Variants in DLL3 observed in about 807,000 individuals in gnomAD.
DLL3 encodes delta-like protein 3.
DLL3 carries 49 observed loss-of-function variants against 55.0 expected under a neutral mutation model. The observed-to-expected ratio is 0.89, with a 90% CI of 0.71 to 1.13. The LOEUF is 1.13. Among genes scored for constraint, DLL3 ranks in the 50% most tolerant of loss-of-function variants. DLL3 has a pLI of 0.00. For missense variants in DLL3, 962 were observed against 875.5 expected (o/e 1.10, Z -1.25); for synonymous variants, 421 against 385.2 (o/e 1.09, Z -1.09).
Position 39,508,277 on chromosome 19 carries a change from C to G in DLL3, c.*20C>G. 1.2e-6 allele frequency: 2 copies of G among 1,613,948 alleles called. No individual in the cohort carries two copies. Among genetic ancestry groups the G allele is most frequent in the Non-Finnish European group, 1.7e-6 (2 of 1,179,968 alleles). On this transcript the variant is annotated 3_prime_UTR_variant, in exon 9 of 9. Transcript: ENST00000356433. ...GCCTGACGCGTCTCCTCCATCCGCA[C>G]CTGGAGTCAGAGCGTGGATTTTTGT...
At chr19:39,505,549 T>C (rs749901469) in intron 6 of DLL3, 98 bp downstream of exon 6, 3 of 1,396,796 alleles carry the variant, frequency 2.1e-6, no homozygotes, top group Non-Finnish European at 2.0e-6. Flanking sequence ...CTTCTAACCC[T>C]AGGGCCTGGG....
intron 8 of DLL3, 160 bp downstream of exon 8, chr19:39,508,074 AT>A: frequency 1.2e-6 from 2 of 1,602,300 alleles, no homozygotes; most frequent in Middle Eastern, 3.3e-4. Flanking sequence ...CTTTCATCCT[AT>A]TTTGCATCCC....
chr19:39,503,435 G>A (rs932444856), intron 4 of DLL3, among the ~76,000 whole-genome samples: 7 of 152,074 alleles, frequency 4.6e-5, no homozygotes, highest in Admixed American at 2.6e-4. Context: ...TTCACACCCT[G>A]TCCTGATGCT....
At chr19:39,499,869 T>TC (rs1555753828) in intron 2 of DLL3, among the ~76,000 whole-genome samples, 13 of 149,430 alleles carry the variant, frequency 8.7e-5, no homozygotes, top group Admixed American at 8.6e-4. Context: ...TTTTTTTTTT[T>TC]CTGTCCTCAG....
At position 39,503,021 on chromosome 19, in the gene DLL3, C is replaced by G. The variant is rs376905666; in HGVS notation, c.616C>G (p.Pro206Ala). ...CTCGCGGTGCGGTCCGGGACTGCGC[C>G]CCTGCGCACCGCTCGAGGACGAATG... is the stretch of plus-strand genomic sequence containing the variant. ...APSRCGPGLR[P>A]CAPLEDECEA... The change falls in exon 4 of 9, where the codon CCC becomes GCC. Residue 206 changes from proline to alanine, a missense_variant. Pro to Ala is a conservative substitution (Grantham distance 27). Coordinates refer to ENST00000356433, the MANE Select transcript of DLL3 (RefSeq NM_203486.3). 868 of 1,511,922 alleles carry G rather than the reference C, an allele frequency of 5.7e-4. 6 individuals carry two copies. In the African/African-American group the frequency reaches 0.01, roughly 18 times the overall value. The allele number at this position is 1,511,922 out of a possible 1,614,324, so 93.7% of individuals were successfully genotyped here.
chr19:39,502,793 C>G (rs2079616788), intron 3 of DLL3, 22 bp from the exon 4 acceptor site: 1 of 1,401,314 alleles, frequency 7.1e-7, no homozygotes, highest in South Asian at 1.6e-5. Context: ...CCCCAGCACC[C>G]CTCCTTTGCC....
intron 3 of DLL3, 43 bp from the exon 4 acceptor site, chr19:39,502,772 G>C: frequency 7.5e-7 from 1 of 1,331,552 alleles, no homozygotes; most frequent in Non-Finnish European, 9.6e-7. Flanking sequence ...ATCCATGTTC[G>C]GCCGGGCCCA....
rs2079592388 is a variant in DLL3, at chr19:39,498,959, C to T, written c.-16C>T. 2 of 1,613,868 alleles carry T rather than the reference C, an allele frequency of 1.2e-6. No homozygotes were observed. Among genetic ancestry groups the T allele is most frequent in the Admixed American group, 1.7e-5 (1 of 59,990 alleles). On this transcript the variant is annotated 5_prime_UTR_variant, in exon 1 of 9. Transcript: ENST00000356433. ...GCCAGCAGCTGCGACTCCCGAGACC[C>T]CCCCACCAGAAGGCCATGGTCTCCC...
intron 3 of DLL3, among the ~76,000 whole-genome samples, chr19:39,501,095 G>T (rs1440035704): frequency 6.6e-6 from 1 of 152,032 alleles, no homozygotes; most frequent in African/African-American, 2.4e-5. Flanking sequence ...TGCCTTCTGG[G>T]TTCAAGCAAT....
intron 6 of DLL3, among the ~76,000 whole-genome samples, chr19:39,506,083 G>C (rs970610362): frequency 6.6e-6 from 1 of 151,936 alleles, no homozygotes; most frequent in African/African-American, 2.4e-5. Context: ...GTGATGGCAG[G>C]TGCTTGTAAT....
intron 5 of DLL3, among the ~76,000 whole-genome samples, chr19:39,504,725 G>T (rs1047679185): frequency 1.3e-5 from 2 of 152,144 alleles, no homozygotes; most frequent in Non-Finnish European, 2.9e-5. Context: ...GTGGCCAGGT[G>T]AGTGGCCTGC....
At chr19:39,503,177 TC>T in intron 4 of DLL3, 120 bp downstream of exon 4, 1 of 1,048,896 alleles carries the variant, frequency 9.5e-7, no homozygotes, top group Non-Finnish European at 1.3e-6. Flanking sequence ...TACTCTAGAG[TC>T]CCCCACCATG....
rs752277223 is a variant in DLL3 at position 39,505,394 on chromosome 19, C to T, written c.1036C>T (p.Gln346Ter). Residue 346 changes from glutamine to a stop codon, truncating the protein, a stop_gained, in exon 6 of 9, where the codon CAA becomes TAA. Transcript: ENST00000356433. LOFTEE classifies it high-confidence loss of function. ...CATCTGCCACTGCCCACCCGGTTTC[C>T]AAGGCTCCAACTGTGAGAAGAGGGT... ...AYICHCPPGF[Q>*]GSNCEKRVDR... 1 of 1,613,974 alleles carries T rather than the reference C, an allele frequency of 6.2e-7. No individual in the cohort carries two copies. The highest frequency in any genetic ancestry group is 8.5e-7 in the Non-Finnish European group (1 of 1,180,014).
Position 39,507,155 on chromosome 19 carries a change from G to C in DLL3, c.1210G>C (p.Gly404Arg), listed in dbSNP as rs1396120007. 1 of 1,484,444 alleles carries C rather than the reference G, an allele frequency of 6.7e-7. No individual in the cohort carries two copies. Among genetic ancestry groups the C allele is most frequent in the Non-Finnish European group, 8.9e-7 (1 of 1,126,492 alleles). The allele number at this position is 1,484,444 out of a possible 1,614,324, so 92.0% of individuals were successfully genotyped here. A position where few individuals can be genotyped will look rare whatever the true frequency, so the allele number is the denominator to read the frequency against. Residue 404 changes from glycine to arginine, a missense_variant, in exon 7 of 9, where the codon GGC becomes CGC. Gly to Arg is a moderately radical substitution (Grantham distance 125). Coordinates refer to ENST00000356433, the MANE Select transcript of DLL3 (RefSeq NM_203486.3). ...DCAGRACANG[G>R]TCVEGGGAHR... is the part of the protein sequence containing the mutation. ...CGCGGGCCGCGCCTGCGCTAACGGC[G>C]GCACGTGTGTGGAGGGCGGCGGCGC...
chr19:39,506,394 T>TTTTA (rs1429205867), intron 6 of DLL3, among the ~76,000 whole-genome samples: 1 of 145,080 alleles, frequency 6.9e-6, no homozygotes, highest in East Asian at 2.0e-4. Flanking sequence ...AGATCATGAA[T>TTTTA]GTAAAGGGCT....
intron 8 of DLL3, 49 bp from the exon 9 acceptor site, chr19:39,508,203 G>C: frequency 1.2e-6 from 2 of 1,614,118 alleles, no homozygotes; most frequent in Non-Finnish European, 1.7e-6. Context: ...GGAGGCAGGG[G>C]AGGCAGAGGG....
At chr19:39,505,795 T>C (rs1226123107) in intron 6 of DLL3, 1 of 294,860 alleles carries the variant, frequency 3.4e-6, no homozygotes, top group Admixed American at 4.5e-5. Flanking sequence ...GTCAGGGAGG[T>C]GACTGAGGCA....
rs768120530 is a variant in DLL3 at position 39,499,028 on chromosome 19, C to T, written c.54C>T (p.Leu18=). The change falls in exon 1 of 9, where the codon CTC becomes CTT. Residue 18 remains leucine (L), a synonymous_variant. Coordinates refer to ENST00000356433, the MANE Select transcript of DLL3 (RefSeq NM_203486.3). ...TCTCCCAGACTGTGATCCTAGCGCT[C>T]ATTTTCCTCCCCCAGGTCAGAGCCA... ...GLLSQTVILA[L]IFLPQTRPAG... The T allele has an allele frequency of 2.5e-6, 4 of 1,614,052 alleles. No homozygotes were observed. The highest frequency in any genetic ancestry group is 3.4e-6 in the Non-Finnish European group (4 of 1,180,014).
At position 39,505,252 on chromosome 19, in the gene DLL3, C is replaced by A; in HGVS notation, c.894C>A (p.Cys298Ter). 2 of 1,614,130 alleles carry A rather than the reference C, an allele frequency of 1.2e-6. No individual in the cohort carries two copies. The highest frequency in any genetic ancestry group is 2.2e-5 in the East Asian group (1 of 44,894). ...AGGAGACACCCAGGTCCTTTGAATG[C>A]ACCTGCCCGCGTGGGTTCTACGGGC... ...SCSETPRSFE[C>*]TCPRGFYGLR... The change falls in exon 6 of 9, where the codon TGC becomes TGA. Residue 298 changes from cysteine (C) to a stop codon, truncating the protein, a stop_gained. Coordinates refer to ENST00000356433, the MANE Select transcript of DLL3 (RefSeq NM_203486.3). LOFTEE classifies it high-confidence loss of function.
Sources: allele counts gnomAD v4.1 joint callset (sites outside exome capture counted in the v4.1 genomes callset), GRCh38; gene constraint gnomAD v4.1.1; transcripts MANE v1.5; gene names NCBI Gene and HGNC (gene_info 2026-07-23, HGNC 2026-07-21).